The following CPOX variants were observed in gnomAD, a reference collection of about 807,000 sequenced individuals.
The protein encoded by CPOX is coproporphyrinogen oxidase.
A neutral mutation model predicts 48.9 loss-of-function variants in CPOX; 24 were observed. The observed-to-expected ratio is 0.49, with a 90% CI of 0.36 to 0.69. The LOEUF (loss-of-function observed/expected upper bound fraction) is 0.69, where lower values mean the gene tolerates loss of function less well. Ranked by LOEUF, CPOX falls within the 30% of genes least tolerant of loss-of-function variation. The probability of loss-of-function intolerance (pLI) is 0.00; values close to 1 mark genes in which losing one functional copy is unlikely to be tolerated. For missense variants in CPOX, 549 were observed against 597.3 expected (o/e 0.92, Z 0.84); for synonymous variants, 249 against 234.6 (o/e 1.06, Z -0.56).
chr3:98,584,700 A>G (rs957917626), intron 5 of CPOX, among the ~76,000 whole-genome samples: 2 of 152,212 alleles, frequency 1.3e-5, no homozygotes, highest in African/African-American at 2.4e-5. Context: ...AGCAGGCTGT[A>G]TAACTTGGAG....
intron 5 of CPOX, among the ~76,000 whole-genome samples, chr3:98,582,468 T>C (rs1202584130): frequency 6.6e-6 from 1 of 152,100 alleles, no homozygotes; most frequent in African/African-American, 2.4e-5. Context: ...AAATATCCTC[T>C]AGATTCCCAC....
intron 4 of CPOX, among the ~76,000 whole-genome samples, chr3:98,586,981 G>T (rs1030273858): frequency 2.6e-5 from 4 of 151,870 alleles, no homozygotes; most frequent in Admixed American, 6.6e-5. Context: ...AAACAAAAAA[G>T]AAGCCATTTC....
chr3:98,586,946 AAAACAAACAAAC>A (rs3834792), intron 4 of CPOX, among the ~76,000 whole-genome samples: 14 of 152,076 alleles, frequency 9.2e-5, no homozygotes, highest in African/African-American at 2.7e-4. Flanking sequence ...TCCATCTCAA[AAAACAAACAAAC>A]AAACAAACAA....
the CPOX span, among the ~76,000 whole-genome samples, chr3:98,571,086 A>G: frequency 1.3e-5 from 2 of 152,222 alleles, no homozygotes; most frequent in East Asian, 3.8e-4. Context: ...TTAATATACC[A>G]GAATTTATTT....
At chr3:98,576,860 T>C (rs2107106779), downstream of CPOX, among the ~76,000 whole-genome samples, 1 of 152,176 alleles carries the variant, frequency 6.6e-6, no homozygotes, top group Admixed American at 6.5e-5. Flanking sequence ...CAAAACAGTG[T>C]TGGAAAACAA....
chr3:98,572,012 C>T, the CPOX span, among the ~76,000 whole-genome samples: 1 of 152,102 alleles, frequency 6.6e-6, no homozygotes, highest in Non-Finnish European at 1.5e-5. Context: ...TCCCTAGGTA[C>T]TTGGAAGGGT....
downstream of CPOX, among the ~76,000 whole-genome samples, chr3:98,575,085 A>G (rs756310755): frequency 2.0e-5 from 3 of 152,194 alleles, no homozygotes; most frequent in Non-Finnish European, 4.4e-5. Flanking sequence ...AACCGATCTG[A>G]GCATAGATAA....
chr3:98,586,222 T>C (rs763464962), intron 4 of CPOX, among the ~76,000 whole-genome samples: 50 of 152,162 alleles, frequency 3.3e-4, no homozygotes, highest in Non-Finnish European at 6.5e-4. Context: ...CAAGTCTCTG[T>C]AAAGGATGTG....
chr3:98,571,779 C>G, the CPOX span, among the ~76,000 whole-genome samples: 5 of 151,676 alleles, frequency 3.3e-5, no homozygotes, highest in Non-Finnish European at 7.4e-5. Context: ...TCAGTATTTC[C>G]TAGATATGAG....
Position 98,580,210 on chromosome 3 carries a change from T to C in CPOX, c.*473A>G, listed in dbSNP as rs548872806. The C allele has an allele frequency of 4.0e-6, 4 of 995,946 alleles. No homozygotes were observed. The highest frequency in any genetic ancestry group is 5.6e-5 in the Admixed American group (1 of 17,810). The allele number at this position is 995,946 out of a possible 1,614,324, so 61.7% of individuals were successfully genotyped here. On this transcript the variant is annotated 3_prime_UTR_variant, in exon 7 of 7. Coordinates refer to ENST00000647941, the MANE Select transcript of CPOX (RefSeq NM_000097.7). ...AGGATTACAGCAGAGACTTCAGTAT[T>C]GACAAAGTAAAATTTTTACCTTCAA...
Position 98,593,209 on chromosome 3 carries a change from G to T in CPOX, c.296C>A (p.Ala99Glu). ...CCCCGAGGTCTTAGGCAACATCTCC[G>T]CCCGCTGCACATGCCCGAAGGCGGC... ...ATAAFGHVQR[A>E]EMLPKTSGTR... Residue 99 changes from alanine (A) to glutamate (E), a missense_variant, in exon 1 of 7, where the codon GCG becomes GAG. Physicochemically the swap from Ala to Glu is moderately radical, Grantham distance 107. This residue lies in a region of CPOX where 336 missense variants were observed against 318.1 expected (regional missense o/e 1.06). Coordinates refer to ENST00000647941, the MANE Select transcript of CPOX (RefSeq NM_000097.7). The T allele has an allele frequency of 1.3e-6, 2 of 1,589,810 alleles. No individual in the cohort carries two copies. The highest frequency in any genetic ancestry group is 1.1e-5 in the South Asian group (1 of 88,314).
the CPOX span, among the ~76,000 whole-genome samples, chr3:98,570,786 T>G: frequency 6.6e-6 from 1 of 152,230 alleles, no homozygotes; most frequent in Non-Finnish European, 1.5e-5. Flanking sequence ...TGTAGAACAC[T>G]ACTAAGAACT....
downstream of CPOX, among the ~76,000 whole-genome samples, chr3:98,576,388 T>A (rs1413567958): frequency 6.6e-6 from 1 of 152,174 alleles, no homozygotes; most frequent in Non-Finnish European, 1.5e-5. Flanking sequence ...AGCACGGGGA[T>A]GGTTTACCCT....
chr3:98,588,903 A>T, intron 3 of CPOX, 49 bp from the exon 4 acceptor site: 1 of 1,601,780 alleles, frequency 6.2e-7, no homozygotes, highest in South Asian at 1.1e-5. Flanking sequence ...GAGATTCAGC[A>T]TTACTGGCTA....
Position 98,579,579 on chromosome 3 carries a change from G to A in CPOX, c.*1104C>T. ...CGTGTTCCACGATAATGATATGTAT[G>A]AGATGCTCTTCCTTATAAACTTTAT... On this transcript the variant is annotated 3_prime_UTR_variant, in exon 7 of 7. Coordinates refer to ENST00000647941, the MANE Select transcript of CPOX (RefSeq NM_000097.7). 2.0e-6 allele frequency: 2 copies of A among 985,362 alleles called. No individual in the cohort carries two copies. The highest frequency in any genetic ancestry group is 2.4e-6 in the Non-Finnish European group (2 of 829,846). 61.0% of individuals were successfully genotyped at this position (985,362 alleles called of 1,614,324 possible). A position where few individuals can be genotyped will look rare whatever the true frequency, so the allele number is the denominator to read the frequency against.
the CPOX span, among the ~76,000 whole-genome samples, chr3:98,572,747 C>A: frequency 3.3e-5 from 5 of 152,150 alleles, no homozygotes; most frequent in African/African-American, 1.2e-4. Flanking sequence ...GTAACTCCGG[C>A]CAGAGGTAAG....
chr3:98,580,139 T>A lies in CPOX; in HGVS notation c.*544A>T. 1 of 976,860 alleles carries A rather than the reference T, an allele frequency of 1.0e-6. No homozygotes were observed. The highest frequency in any genetic ancestry group is 1.8e-5 in the African/African-American group (1 of 57,102). 60.5% of individuals were successfully genotyped at this position (976,860 alleles called of 1,614,324 possible). A position where few individuals can be genotyped will look rare whatever the true frequency, so the allele number is the denominator to read the frequency against. ...TGCTTCTAAATACCTATTAGAAAAA[T>A]GTGTATCTATTTGACAATATTATGT... On this transcript the variant is annotated 3_prime_UTR_variant, in exon 7 of 7. Transcript: ENST00000647941.
chr3:98,590,512 T>A, intron 3 of CPOX, 120 bp downstream of exon 3: 1 of 766,598 alleles, frequency 1.3e-6, no homozygotes, highest in Admixed American at 2.0e-5. Context: ...GCCTTTACAT[T>A]GCCTCCTGAA....
In CPOX at chr3:98,593,451, C is replaced by T; in HGVS notation, c.54G>A (p.Arg18=). The T allele has an allele frequency of 1.3e-6, 2 of 1,492,378 alleles. No individual in the cohort carries two copies. 92.4% of individuals were successfully genotyped at this position (1,492,378 alleles called of 1,614,324 possible). A position where few individuals can be genotyped will look rare whatever the true frequency, so the allele number is the denominator to read the frequency against. ...LSSGPCWLVA[R]GGCGGPRAWS... ...AGGCGCGGGGCCCTCCGCAGCCGCCCCGCGCCACGAGCCAGCAGGGGCCCG... is the reference window on the plus strand; with the variant it reads ...AGGCGCGGGGCCCTCCGCAGCCGCCTCGCGCCACGAGCCAGCAGGGGCCCG... The change falls in exon 1 of 7, where the codon CGG becomes CGA. Residue 18 remains arginine, a synonymous_variant. Transcript: ENST00000647941.
Sources: allele counts gnomAD v4.1 joint callset (sites outside exome capture counted in the v4.1 genomes callset), GRCh38; gene constraint gnomAD v4.1.1; regional missense constraint gnomAD v4.1.1; transcripts MANE v1.5; gene names NCBI Gene and HGNC (gene_info 2026-07-23, HGNC 2026-07-21).